MRPS27: variants seen among roughly 807,000 people sequenced by gnomAD.
MRPS27 encodes mitochondrial ribosomal protein S27.
A neutral mutation model predicts 48.9 loss-of-function variants in MRPS27; 43 were observed. The ratio of observed to expected loss-of-function variants is 0.88; its 90% CI spans 0.69 to 1.13. The LOEUF is 1.13. MRPS27 is among the 50% of genes most tolerant of loss of function. MRPS27 has a pLI of 0.00. For missense variants in MRPS27, 467 were observed against 476.3 expected, an observed-to-expected ratio of 0.98 and a Z score of 0.18; for synonymous variants, 188 against 171.9, an observed-to-expected ratio of 1.09 and a Z score of -0.73.
intron 4 of MRPS27, among the ~76,000 whole-genome samples, chr5:72,270,891 T>C (rs376783687): frequency 1.8e-4 from 27 of 152,300 alleles, no homozygotes; most frequent in East Asian, 5.8e-4. Flanking sequence ...AGAAAACTCA[T>C]GTAATTGTCT....
intron 4 of MRPS27, among the ~76,000 whole-genome samples, chr5:72,287,133 G>T (rs886603785): frequency 2.0e-5 from 3 of 152,046 alleles, no homozygotes; most frequent in African/African-American, 4.8e-5. Flanking sequence ...GATCTAGGTT[G>T]CATGCTCCTT....
At chr5:72,275,741 C>G (rs1226777137) in intron 4 of MRPS27, among the ~76,000 whole-genome samples, 1 of 152,196 alleles carries the variant, frequency 6.6e-6, no homozygotes. Flanking sequence ...ATTCCTAATG[C>G]AAGTCCTGCC....
At chr5:72,302,399 G>C (rs1366061092) in intron 2 of MRPS27, among the ~76,000 whole-genome samples, 1 of 152,158 alleles carries the variant, frequency 6.6e-6, no homozygotes, top group East Asian at 1.9e-4. Context: ...AATAGCCCCA[G>C]AAGATTGTAG....
chr5:72,298,712 C>CA (rs1259668404), intron 2 of MRPS27, among the ~76,000 whole-genome samples: 4,639 of 29,982 alleles, frequency 0.15, 897 homozygotes, highest in East Asian at 0.32. Context: ...GACTCCGTCT[C>CA]AAAAAAAAAA....
At chr5:72,247,626 G>GA (rs1306018361) in intron 4 of MRPS27, among the ~76,000 whole-genome samples, 3 of 152,152 alleles carry the variant, frequency 2.0e-5, no homozygotes, top group Non-Finnish European at 4.4e-5. Context: ...CATTATAACT[G>GA]AAGATCAAGT....
chr5:72,301,017 T>A (rs1289832150), intron 2 of MRPS27, among the ~76,000 whole-genome samples: 1 of 152,184 alleles, frequency 6.6e-6, no homozygotes, highest in African/African-American at 2.4e-5. Context: ...AAAAAAGCAA[T>A]TGGGTTTCCA....
chr5:72,285,373 T>C (rs1296189561), intron 4 of MRPS27, among the ~76,000 whole-genome samples: 1 of 152,256 alleles, frequency 6.6e-6, no homozygotes, highest in Non-Finnish European at 1.5e-5. Flanking sequence ...TCTTCTAGCC[T>C]GCTCAAAACA....
At chr5:72,224,981 C>A (rs2111933927) in intron 9 of MRPS27, among the ~76,000 whole-genome samples, 1 of 152,326 alleles carries the variant, frequency 6.6e-6, no homozygotes, top group Non-Finnish European at 1.5e-5. Context: ...TAATACATCA[C>A]ATCCAAACTG....
intron 4 of MRPS27, among the ~76,000 whole-genome samples, chr5:72,247,156 A>G (rs1748529202): frequency 6.6e-6 from 1 of 152,186 alleles, no homozygotes; most frequent in Non-Finnish European, 1.5e-5. Context: ...TGAATCATGT[A>G]AGACAATAGG....
intron 4 of MRPS27, among the ~76,000 whole-genome samples, chr5:72,289,613 A>T (rs1056126898): frequency 6.6e-6 from 1 of 152,032 alleles, no homozygotes; most frequent in Non-Finnish European, 1.5e-5. Flanking sequence ...TTATAGAGAT[A>T]AGGTTTGTTA....
At chr5:72,303,518 G>A (rs1276687781) in intron 2 of MRPS27, among the ~76,000 whole-genome samples, 1 of 152,038 alleles carries the variant, frequency 6.6e-6, no homozygotes, top group East Asian at 1.9e-4. Flanking sequence ...TCTAGATTCA[G>A]GATATGTATA....
chr5:72,230,910 G>A (rs1424959011), intron 7 of MRPS27, among the ~76,000 whole-genome samples: 3 of 151,860 alleles, frequency 2.0e-5, no homozygotes, highest in African/African-American at 7.3e-5. Flanking sequence ...TATGCCCATT[G>A]GCTACTCTCT....
intron 9 of MRPS27, among the ~76,000 whole-genome samples, chr5:72,224,576 A>T (rs981592782): frequency 1.3e-5 from 2 of 152,138 alleles, no homozygotes; most frequent in African/African-American, 4.8e-5. Flanking sequence ...AACCAACCAA[A>T]GGCCATTTTA....
chr5:72,265,740 T>C (rs1425402695), intron 4 of MRPS27, among the ~76,000 whole-genome samples: 1 of 152,170 alleles, frequency 6.6e-6, no homozygotes, highest in Non-Finnish European at 1.5e-5. Flanking sequence ...ATCTCTGTTT[T>C]ACAACTGGGA....
intron 4 of MRPS27, among the ~76,000 whole-genome samples, chr5:72,250,384 G>GGTGTATCAGACAA (rs970399333): frequency 1.3e-5 from 2 of 152,088 alleles, no homozygotes; most frequent in African/African-American, 2.4e-5. Flanking sequence ...TGCATTCAAG[G>GGTGTATCAGACAA]GCCTGTCTGA....
intron 5 of MRPS27, among the ~76,000 whole-genome samples, chr5:72,234,448 C>T (rs1161894158): frequency 1.3e-5 from 2 of 151,380 alleles, no homozygotes; most frequent in Non-Finnish European, 2.9e-5. Context: ...ACTAAGGCTC[C>T]AATTCTAACA....
intron 4 of MRPS27, among the ~76,000 whole-genome samples, chr5:72,268,995 G>C (rs1749168009): frequency 6.6e-6 from 1 of 152,142 alleles, no homozygotes; most frequent in South Asian, 2.1e-4. Flanking sequence ...AGTCAGTTCT[G>C]GGGCTAGCAG....
intron 2 of MRPS27, among the ~76,000 whole-genome samples, chr5:72,313,586 T>C (rs994445220): frequency 2.0e-5 from 3 of 152,170 alleles, no homozygotes; most frequent in African/African-American, 7.2e-5. Flanking sequence ...AAAGAAAGTA[T>C]AATTATAAGC....
chr5:72,310,683 T>C (rs1229408748), intron 2 of MRPS27, among the ~76,000 whole-genome samples: 1 of 152,206 alleles, frequency 6.6e-6, no homozygotes, highest in African/African-American at 2.4e-5. Context: ...ATAGTAAAGA[T>C]TGATTCAGGC....
Sources: allele counts gnomAD v4.1 joint callset (sites outside exome capture counted in the v4.1 genomes callset), GRCh38; gene constraint gnomAD v4.1.1; transcripts MANE v1.5; gene names NCBI Gene and HGNC (gene_info 2026-07-23, HGNC 2026-07-21).